Variants in COP1 observed in about 807,000 individuals in gnomAD.
The protein encoded by COP1 is E3 ubiquitin-protein ligase COP1.
A neutral mutation model predicts 101.3 loss-of-function variants in COP1; 24 were observed. The ratio of observed to expected loss-of-function variants is 0.24; its 90% confidence interval spans 0.17 to 0.33. The LOEUF (loss-of-function observed/expected upper bound fraction) is 0.33. Among genes scored for constraint, COP1 ranks in the 10% least tolerant of loss-of-function variants. The pLI is 1.00. For synonymous variants in COP1, 347 were observed against 341.9 expected (o/e 1.01, Z -0.17); for missense variants, 663 against 906.2 (o/e 0.73, Z 3.45).
chr1:176,100,469 A>AT (rs1683219712), intron 9 of COP1: 2 of 151,980 alleles, frequency 1.3e-5, no homozygotes, highest in South Asian at 4.1e-4. Flanking sequence ...TAAATTCTAC[A>AT]TTCCTTTGTT....
At chr1:176,055,062 G>C (rs527339243) in intron 11 of COP1, among the ~76,000 whole-genome samples, 1 of 152,150 alleles carries the variant, frequency 6.6e-6, no homozygotes, top group Non-Finnish European at 1.5e-5. Flanking sequence ...TTCCACAATA[G>C]AGTGATTTTT....
intron 1 of COP1, among the ~76,000 whole-genome samples, chr1:176,197,944 T>TA (rs1417717163): frequency 6.6e-6 from 1 of 152,140 alleles, no homozygotes; most frequent in African/African-American, 2.4e-5. Flanking sequence ...GGGTAAATTT[T>TA]AAAAATATGG....
At chr1:176,003,832 G>T (rs2148886852) in intron 15 of COP1, among the ~76,000 whole-genome samples, 1 of 152,000 alleles carries the variant, frequency 6.6e-6, no homozygotes, top group East Asian at 1.9e-4. Context: ...TTGGCGATGT[G>T]GGCTCTTTTT....
rs187809727 is a variant in COP1, at chr1:175,993,475, C to A, written c.1730-3996G>T. ...TACAGGAGGAAACTTAAACCAAAGG[C>A]AAAGAAGTTGAAAACTTTGAAAAAA... On this transcript the variant is annotated intron_variant, in intron 15 of 19. Transcript: ENST00000367669. Among the ~76,000 whole-genome samples, 643 of 152,168 alleles carry A rather than the reference C, an allele frequency of 4.2e-3. 2 individuals carry two copies. Among genetic ancestry groups the A allele is most frequent in the Non-Finnish European group, 6.0e-3 (409 of 68,026 alleles).
intron 11 of COP1, among the ~76,000 whole-genome samples, chr1:176,050,846 C>T (rs1178610090): frequency 1.3e-5 from 2 of 152,046 alleles, no homozygotes; most frequent in South Asian, 4.1e-4. Flanking sequence ...ACGGATACAC[C>T]AGATAATTCA....
intron 8 of COP1, among the ~76,000 whole-genome samples, chr1:176,119,605 C>G (rs1686772901): frequency 1.3e-5 from 2 of 151,194 alleles, no homozygotes; most frequent in African/African-American, 2.4e-5. Flanking sequence ...ATAATAAAAC[C>G]CATTAATTCT....
Position 176,135,259 on chromosome 1 carries a change from A to T in COP1, c.892-173T>A, listed in dbSNP as rs111827393. On this transcript the variant is annotated intron_variant, in intron 7 of 19. Coordinates refer to ENST00000367669, the MANE Select transcript of COP1 (RefSeq NM_022457.7). Reference sequence around the variant, plus strand: ...CAGAATACAAAAGCAAGGACATGTGAAAAGTTAAGAGACAAGCCTTTTCCA... The same window carrying T: ...CAGAATACAAAAGCAAGGACATGTGTAAAGTTAAGAGACAAGCCTTTTCCA... 2.6e-3 allele frequency among the ~76,000 whole-genome samples: 397 copies of T among 152,210 alleles called. 3 individuals carry two copies. Among genetic ancestry groups the T allele is most frequent in the African/African-American group, 9.1e-3 (379 of 41,544 alleles).
intron 18 of COP1, among the ~76,000 whole-genome samples, chr1:175,974,049 G>A (rs1488152292): frequency 1.3e-5 from 2 of 152,110 alleles, no homozygotes; most frequent in Non-Finnish European, 2.9e-5. Context: ...GTCACATAAA[G>A]TTTAGATCTT....
intron 8 of COP1, among the ~76,000 whole-genome samples, chr1:176,127,595 G>A (rs1688226364): frequency 1.1e-5 from 1 of 86,984 alleles, no homozygotes; most frequent in African/African-American, 3.1e-5. Context: ...GTGTGTATGT[G>A]TATATATGTG....
intron 1 of COP1, among the ~76,000 whole-genome samples, chr1:176,205,737 TG>T (rs1478777616): frequency 6.6e-6 from 1 of 152,242 alleles, no homozygotes; most frequent in African/African-American, 2.4e-5. Context: ...CTATCCCAAA[TG>T]TCATGACTAA....
intron 1 of COP1, among the ~76,000 whole-genome samples, chr1:176,186,303 C>T (rs1157272119): frequency 1.3e-5 from 2 of 151,570 alleles, no homozygotes; most frequent in Non-Finnish European, 2.9e-5. Context: ...TAAAAAGGCA[C>T]TCTCACAGCT....
chr1:176,051,613 C>T (rs1672572698), intron 11 of COP1, among the ~76,000 whole-genome samples: 1 of 152,100 alleles, frequency 6.6e-6, no homozygotes, highest in Non-Finnish European at 1.5e-5. Context: ...AAAGCAGCCG[C>T]AGGCAGGTCC....
intron 5 of COP1, among the ~76,000 whole-genome samples, chr1:176,150,093 A>C (rs1205411036): frequency 1.3e-5 from 2 of 152,200 alleles, no homozygotes; most frequent in Admixed American, 1.3e-4. Context: ...AATTTTTGTT[A>C]AACAAGTGCC....
chr1:175,962,114 A>G (rs1199049681), intron 18 of COP1, among the ~76,000 whole-genome samples: 2 of 152,166 alleles, frequency 1.3e-5, no homozygotes, highest in East Asian at 3.9e-4. Flanking sequence ...AATAGATAGG[A>G]GCAGTTTTTC....
intron 8 of COP1, among the ~76,000 whole-genome samples, chr1:176,122,903 G>T (rs1687385403): frequency 1.3e-5 from 2 of 151,998 alleles, no homozygotes; most frequent in African/African-American, 4.8e-5. Context: ...TATCACTTTT[G>T]GAAGTAAACT....
At chr1:176,075,893 C>T (rs1459994562) in intron 11 of COP1, among the ~76,000 whole-genome samples, 3 of 150,060 alleles carry the variant, frequency 2.0e-5, no homozygotes, top group African/African-American at 7.4e-5. Context: ...ATCCCAGCTA[C>T]TGAAGAGGCT....
At chr1:176,120,400 CT>C (rs1224545855) in intron 8 of COP1, among the ~76,000 whole-genome samples, 16 of 151,260 alleles carry the variant, frequency 1.1e-4, no homozygotes, top group African/African-American at 3.4e-4. Flanking sequence ...AGCCTGGGTG[CT>C]GGGTGACAGG....
chr1:176,116,714 G>C (rs1385052103), intron 8 of COP1, 33 bp from the exon 9 acceptor site: 1 of 1,448,218 alleles, frequency 6.9e-7, no homozygotes, highest in Non-Finnish European at 9.7e-7. Context: ...TGTGATTTCA[G>C]TATTTACATT....
intron 9 of COP1, among the ~76,000 whole-genome samples, chr1:176,112,099 C>T (rs960207475): frequency 6.6e-6 from 1 of 151,838 alleles, no homozygotes; most frequent in African/African-American, 2.4e-5. Flanking sequence ...GTGAGGAGAG[C>T]AATATAGCAA....
Sources: gnomAD v4.1 joint callset for allele counts (sites outside exome capture counted in the v4.1 genomes callset) on GRCh38, gnomAD v4.1.1 for gene constraint, MANE v1.5 for transcripts, NCBI Gene and HGNC (gene_info 2026-07-23, HGNC 2026-07-21) for gene names.